IKZF2: variants seen among roughly 807,000 people sequenced by gnomAD.
IKZF2 encodes zinc finger protein Helios.
A neutral mutation model predicts 49.2 loss-of-function variants in IKZF2; 15 were observed. The ratio of observed to expected loss-of-function variants is 0.30; its 90% confidence interval spans 0.20 to 0.47. IKZF2 has a LOEUF of 0.47. Ranked by LOEUF, IKZF2 falls within the 20% of genes least tolerant of loss-of-function variation. IKZF2 has a pLI of 1.00. For synonymous variants in IKZF2, 227 were observed against 221.4 expected (o/e 1.03, Z -0.23); for missense variants, 567 against 664.6 (o/e 0.85, Z 1.61).
chr2:213,133,703 A>ATAAATAAAT (rs1553602154), intron 4 of IKZF2, among the ~76,000 whole-genome samples: 1 of 145,398 alleles, frequency 6.9e-6, no homozygotes, highest in Non-Finnish European at 1.5e-5. Context: ...CCGTCTCGAA[A>ATAAATAAAT]AAATAAATAA....
intron 4 of IKZF2, among the ~76,000 whole-genome samples, chr2:213,139,312 A>T (rs1408004289): frequency 6.6e-6 from 1 of 151,970 alleles, no homozygotes; most frequent in East Asian, 1.9e-4. Flanking sequence ...AAGGAGAGGG[A>T]ACTGGACAAA....
intron 5 of IKZF2, among the ~76,000 whole-genome samples, chr2:213,056,131 G>T (rs1433473403): frequency 6.6e-6 from 1 of 151,988 alleles, no homozygotes; most frequent in African/African-American, 2.4e-5. Context: ...TTCTCATTTG[G>T]TTAGTTTTCA....
chr2:213,042,882 T>C (rs1282826314), intron 6 of IKZF2, among the ~76,000 whole-genome samples: 2 of 152,032 alleles, frequency 1.3e-5, no homozygotes, highest in African/African-American at 2.4e-5. Flanking sequence ...ATTACATTTA[T>C]ATTTTTTAAA....
intron 4 of IKZF2, among the ~76,000 whole-genome samples, chr2:213,057,413 G>GTCA (rs1007773458): frequency 8.5e-5 from 13 of 152,058 alleles, no homozygotes; most frequent in Non-Finnish European, 5.9e-5. Context: ...TTTTGAGTCT[G>GTCA]TCACTAAGAC....
chr2:213,139,254 T>C (rs2060786225), intron 4 of IKZF2, among the ~76,000 whole-genome samples: 1 of 151,816 alleles, frequency 6.6e-6, no homozygotes, highest in Non-Finnish European at 1.5e-5. Flanking sequence ...AAAATGAATC[T>C]CAGAAGTATT....
At chr2:213,138,003 A>G (rs550186823) in intron 4 of IKZF2, among the ~76,000 whole-genome samples, 2 of 152,144 alleles carry the variant, frequency 1.3e-5, no homozygotes, top group Non-Finnish European at 2.9e-5. Context: ...AAACGTCAAA[A>G]GTGTAGACAC....
chr2:213,084,343 C>T (rs1574782545), intron 4 of IKZF2, among the ~76,000 whole-genome samples: 1 of 152,050 alleles, frequency 6.6e-6, no homozygotes, highest in East Asian at 1.9e-4. Flanking sequence ...CACACAGTAC[C>T]TAACATATAG....
intron 7 of IKZF2, among the ~76,000 whole-genome samples, chr2:213,017,658 T>G (rs1305365768): frequency 6.6e-6 from 1 of 152,180 alleles, no homozygotes; most frequent in African/African-American, 2.4e-5. Context: ...TCACATATGT[T>G]GTTCTTTCTG....
intron 5 of IKZF2, among the ~76,000 whole-genome samples, chr2:213,055,634 C>T (rs1178228941): frequency 1.3e-5 from 2 of 151,994 alleles, no homozygotes; most frequent in Non-Finnish European, 2.9e-5. Context: ...GGTATACTGA[C>T]ATACCAAGCA....
At chr2:213,083,169 T>A (rs574505281) in intron 4 of IKZF2, among the ~76,000 whole-genome samples, 1 of 152,298 alleles carries the variant, frequency 6.6e-6, no homozygotes, top group Non-Finnish European at 1.5e-5. Context: ...ACTCTGCTTT[T>A]GCAATGTTTG....
rs750756552 is a variant in IKZF2, at chr2:213,147,808, G to T, written c.39C>A (p.Asp13Glu). Reference protein sequence around the residue: ...TEAIDGYITCDNELSPEREHS... With the variant: ...TEAIDGYITCENELSPEREHS... ...GCTCCCTTTCGGGTGAAAGCTCATTGTCACCTGCTTTCACAAAATATAATC... is the reference window on the plus strand; with the variant it reads ...GCTCCCTTTCGGGTGAAAGCTCATTTTCACCTGCTTTCACAAAATATAATC... The change falls in exon 4 of 9, where the codon GAC (aspartate) becomes GAA (glutamate). Residue 13 changes from aspartate to glutamate, a missense_variant. By Grantham distance (45) the Asp-to-Glu change is conservative (BLOSUM62 2). Coordinates refer to ENST00000434687, the MANE Select transcript of IKZF2 (RefSeq NM_001387220.1). 6.2e-7 allele frequency: 1 copy of T among 1,607,306 alleles called. No homozygotes were observed. The highest frequency in any genetic ancestry group is 8.5e-7 in the Non-Finnish European group (1 of 1,173,878).
intron 5 of IKZF2, 34 bp from the exon 6 acceptor site, chr2:213,049,914 T>C: frequency 6.8e-7 from 1 of 1,472,476 alleles, no homozygotes. Flanking sequence ...AAGTATCAAC[T>C]AGGGTATGTG....
chr2:213,021,845 T>C (rs1697253538), intron 7 of IKZF2, 148 bp downstream of exon 7: 5 of 832,476 alleles, frequency 6.0e-6, no homozygotes, highest in African/African-American at 1.7e-5. Context: ...AAAATTTCAA[T>C]ACAGATTATT....
In IKZF2 at chr2:213,056,972, C is replaced by A. The variant is rs748979700; in HGVS notation, c.267G>T (p.Glu89Asp). 6.2e-7 allele frequency: 1 copy of A among 1,613,876 alleles called. No homozygotes were observed. The highest frequency in any genetic ancestry group is 1.1e-5 in the South Asian group (1 of 91,070). The change falls in exon 5 of 9, where the codon GAG (glutamate) becomes GAT (aspartate). Residue 89 changes from glutamate (E) to aspartate (D), a missense_variant. Glu to Asp is a conservative substitution (Grantham distance 45). Coordinates refer to ENST00000434687, the MANE Select transcript of IKZF2 (RefSeq NM_001387220.1). ...CCTGGACTTTCCTGTTGTCAGCCAC[C>A]TCGCTGCTCTCAATTAGGGGTTCTT... ...SLEEPLIESS[E>D]VADNRKVQEL...
At position 213,020,079 on chromosome 2, in the gene IKZF2, T is replaced by C. The variant is rs774888068; in HGVS notation, c.712+1914A>G. On this transcript the variant is annotated intron_variant, in intron 7 of 8. Coordinates refer to ENST00000434687, the MANE Select transcript of IKZF2 (RefSeq NM_001387220.1). The stretch of plus-strand genomic sequence containing the variant: ...ATAAAGTTGGAAATGCATAACGCCA[T>C]CAAATGTCAGAACTGCAATGGGAGA... Among the ~76,000 whole-genome samples, 150 of 152,272 alleles carry C rather than the reference T, an allele frequency of 9.9e-4. 3 individuals are homozygous for C. The highest frequency in any genetic ancestry group is 7.9e-4 in the Admixed American group (12 of 15,278).
At chr2:213,135,331 G>T (rs1360547714) in intron 4 of IKZF2, among the ~76,000 whole-genome samples, 4 of 152,102 alleles carry the variant, frequency 2.6e-5, no homozygotes, top group Non-Finnish European at 5.9e-5. Context: ...GACACTTCAT[G>T]CTATGAATGA....
At chr2:213,072,724 T>C (rs1209255275) in intron 4 of IKZF2, among the ~76,000 whole-genome samples, 1 of 152,164 alleles carries the variant, frequency 6.6e-6, no homozygotes, top group Non-Finnish European at 1.5e-5. Context: ...CATTAAACTT[T>C]ATATTTTTCT....
chr2:213,048,722 T>C (rs1395916536), intron 6 of IKZF2, among the ~76,000 whole-genome samples: 1 of 152,062 alleles, frequency 6.6e-6, no homozygotes, highest in African/African-American at 2.4e-5. Context: ...ATGTTTAAAA[T>C]AGTTTTACAC....
At chr2:213,141,420 A>T (rs2060867267) in intron 4 of IKZF2, among the ~76,000 whole-genome samples, 1 of 151,986 alleles carries the variant, frequency 6.6e-6, no homozygotes, top group Non-Finnish European at 1.5e-5. Flanking sequence ...GTTTCCTCTC[A>T]TACAAGATGT....
Sources: gnomAD v4.1 joint callset for allele counts (sites outside exome capture counted in the v4.1 genomes callset) on GRCh38, gnomAD v4.1.1 for gene constraint, MANE v1.5 for transcripts, NCBI Gene and HGNC (gene_info 2026-07-23, HGNC 2026-07-21) for gene names.